Variants in BICD1 observed in about 807,000 individuals in gnomAD.
The protein encoded by BICD1 is BICD cargo adaptor 1.
Under a neutral mutation model 92.5 loss-of-function variants are expected in BICD1, and 35 were observed. That is an observed-to-expected ratio of 0.38 (90% CI 0.29 to 0.50). BICD1 has a LOEUF of 0.50. Among genes scored for constraint, BICD1 ranks in the 20% least tolerant of loss-of-function variants. The pLI is 0.93. For synonymous variants in BICD1, 429 were observed against 465.1 expected, an observed-to-expected ratio of 0.92 and a Z score of 1.00; for missense variants, 950 against 1,189.8, an observed-to-expected ratio of 0.80 and a Z score of 2.97.
At chr12:32,238,613 A>G (rs1246805809) in intron 2 of BICD1, among the ~76,000 whole-genome samples, 1 of 152,248 alleles carries the variant, frequency 6.6e-6, no homozygotes, top group Admixed American at 6.5e-5. Flanking sequence ...TTCTTCACAA[A>G]AGGAACAATT....
At chr12:32,238,375 A>G (rs952910009) in intron 2 of BICD1, among the ~76,000 whole-genome samples, 2 of 152,232 alleles carry the variant, frequency 1.3e-5, no homozygotes, top group Non-Finnish European at 2.9e-5. Flanking sequence ...TGAATGGATG[A>G]GGAGTTGCTT....
chr12:32,173,482 A>T (rs1343196653), intron 1 of BICD1, among the ~76,000 whole-genome samples: 1 of 152,166 alleles, frequency 6.6e-6, no homozygotes, highest in Non-Finnish European at 1.5e-5. Flanking sequence ...GGTAAGCGTG[A>T]TGTTCACTTA....
intron 1 of BICD1, among the ~76,000 whole-genome samples, chr12:32,167,811 A>G (rs1943815182): frequency 6.6e-6 from 1 of 152,168 alleles, no homozygotes; most frequent in South Asian, 2.1e-4. Context: ...TGATTGAGGG[A>G]AACCCAGAAA....
At chr12:32,330,243 CTTTAT>C (rs1444445360) in intron 5 of BICD1, among the ~76,000 whole-genome samples, 2 of 152,056 alleles carry the variant, frequency 1.3e-5, no homozygotes, top group Non-Finnish European at 2.9e-5. Flanking sequence ...CAAAATATGA[CTTTAT>C]TTTATGTTGT....
At chr12:32,348,264 C>T (rs6488046) in intron 8 of BICD1, among the ~76,000 whole-genome samples, 82,582 of 151,950 alleles carry the variant, frequency 0.54, 23,394 homozygotes, top group African/African-American at 0.72. Context: ...AAGAGATCAA[C>T]ATGAAAAACT....
intron 3 of BICD1, among the ~76,000 whole-genome samples, chr12:32,303,739 A>G (rs981890235): frequency 3.9e-5 from 6 of 152,170 alleles, no homozygotes; most frequent in Non-Finnish European, 8.8e-5. Flanking sequence ...CAGAGATTCC[A>G]TGAGGAATCT....
Position 32,334,765 on chromosome 12 carries a change from G to A in BICD1, c.2252+98G>A, listed in dbSNP as rs567651347. The A allele has an allele frequency of 3.3e-5, 46 of 1,381,666 alleles. No homozygotes were observed. In the South Asian group the frequency reaches 6.7e-4, roughly 20 times the overall value. The allele number at this position is 1,381,666 out of a possible 1,614,324, so 85.6% of individuals were successfully genotyped here. A position where few individuals can be genotyped will look rare whatever the true frequency, so the allele number is the denominator to read the frequency against. On this transcript the variant is annotated intron_variant, in intron 6 of 9. Coordinates refer to ENST00000652176, the MANE Select transcript of BICD1 (RefSeq NM_001714.4). ...TGTGCATGTTGAGTGTATTCGGTGAGTAGTCTAGGATGGCTAAGTGTGAAG... is the reference window on the plus strand; with the variant it reads ...TGTGCATGTTGAGTGTATTCGGTGAATAGTCTAGGATGGCTAAGTGTGAAG...
chr12:32,244,104 G>C (rs1946309659), intron 2 of BICD1, among the ~76,000 whole-genome samples: 1 of 142,706 alleles, frequency 7.0e-6, no homozygotes, highest in South Asian at 2.1e-4. Flanking sequence ...TAAAATCATT[G>C]TCTTTCATAG....
intron 2 of BICD1, among the ~76,000 whole-genome samples, chr12:32,266,857 C>CA (rs35590465): frequency 0.52 from 71,457 of 137,980 alleles, 17,952 homozygotes; most frequent in Middle Eastern, 0.61. Context: ...GACTCTGTCT[C>CA]AAAAAAAAAA....
chr12:32,195,015 G>A (rs369750321), intron 1 of BICD1, among the ~76,000 whole-genome samples: 18 of 149,082 alleles, frequency 1.2e-4, no homozygotes, highest in East Asian at 1.2e-3. Flanking sequence ...GAAGGATTGC[G>A]TGATTCCAGG....
chr12:32,187,183 G>A (rs558202722), intron 1 of BICD1, among the ~76,000 whole-genome samples: 5 of 152,224 alleles, frequency 3.3e-5, no homozygotes, highest in Middle Eastern at 3.4e-3. Flanking sequence ...CACGAAATTC[G>A]TGCCCAGGAA....
intron 1 of BICD1, among the ~76,000 whole-genome samples, chr12:32,127,755 A>G (rs539092789): frequency 1.3e-5 from 2 of 152,272 alleles, no homozygotes; most frequent in South Asian, 2.1e-4. Context: ...CGTTTCCCCA[A>G]TAAGCATTAA....
At chr12:32,351,243 T>C (rs111865854) in intron 8 of BICD1, among the ~76,000 whole-genome samples, 69 of 151,682 alleles carry the variant, frequency 4.5e-4, no homozygotes, top group African/African-American at 1.6e-3. Context: ...CCCAGCACTT[T>C]GGGAAGCCGA....
intron 2 of BICD1, among the ~76,000 whole-genome samples, chr12:32,262,410 C>T (rs1168715321): frequency 6.6e-6 from 1 of 152,116 alleles, no homozygotes; most frequent in African/African-American, 2.4e-5. Context: ...ACCATCCGTT[C>T]CTTTCAGACA....
At chr12:32,172,265 G>A (rs893723722) in intron 1 of BICD1, among the ~76,000 whole-genome samples, 6 of 152,150 alleles carry the variant, frequency 3.9e-5, no homozygotes, top group African/African-American at 1.4e-4. Flanking sequence ...GGATTGGCTA[G>A]TTTGGTTTTA....
chr12:32,191,695 AT>A (rs1275492421), intron 1 of BICD1, among the ~76,000 whole-genome samples: 1 of 148,040 alleles, frequency 6.8e-6, no homozygotes, highest in Non-Finnish European at 1.5e-5. Context: ...TATAATACAT[AT>A]ATATTATGAT....
At chr12:32,142,453 C>CCTATCTATCTATCCTATCCTATCTAT (rs772125865) in intron 1 of BICD1, among the ~76,000 whole-genome samples, 256 of 112,892 alleles carry the variant, frequency 2.3e-3, no homozygotes, top group Non-Finnish European at 2.9e-3. Context: ...ACCTATCTAT[C>CCTATCTATCTATCCTATCCTATCTAT]CTATCTATCT....
chr12:32,364,673 AG>A (rs1342283362), intron 8 of BICD1, among the ~76,000 whole-genome samples: 2 of 152,240 alleles, frequency 1.3e-5, no homozygotes, highest in African/African-American at 2.4e-5. Context: ...TAGCTTGGCT[AG>A]GAGCAGTGGC....
At chr12:32,121,190 G>A (rs549363905) in intron 1 of BICD1, among the ~76,000 whole-genome samples, 66 of 151,258 alleles carry the variant, frequency 4.4e-4, no homozygotes, top group African/African-American at 1.6e-3. Flanking sequence ...GCCTGGTCTT[G>A]AACCTCTGAC....
Sources: allele counts gnomAD v4.1 joint callset (sites outside exome capture counted in the v4.1 genomes callset), GRCh38; gene constraint gnomAD v4.1.1; transcripts MANE v1.5; gene names NCBI Gene and HGNC (gene_info 2026-07-23, HGNC 2026-07-21).